Variants in MIPOL1 observed in about 807,000 individuals in gnomAD.
The protein encoded by MIPOL1 is mirror-image polydactyly gene 1 protein.
A neutral mutation model predicts 60.9 loss-of-function variants in MIPOL1; 57 were observed. The observed-to-expected ratio is 0.94, with a 90% confidence interval of 0.76 to 1.17. MIPOL1 has a LOEUF of 1.17. Among genes scored for constraint, MIPOL1 ranks in the 50% most tolerant of loss-of-function variants. The probability of loss-of-function intolerance (pLI) is 0.00; values close to 1 mark genes in which losing one functional copy is unlikely to be tolerated. For synonymous variants in MIPOL1, 179 were observed against 168.8 expected, an observed-to-expected ratio of 1.06 and a Z score of -0.47; for missense variants, 551 against 511.6, an observed-to-expected ratio of 1.08 and a Z score of -0.74.
At chr14:37,467,562 T>C (rs2153586426) in intron 11 of MIPOL1, among the ~76,000 whole-genome samples, 1 of 152,316 alleles carries the variant, frequency 6.6e-6, no homozygotes, top group South Asian at 2.1e-4. Context: ...AAGTAGAAGT[T>C]ACCTTCGGGA....
intron 3 of MIPOL1, among the ~76,000 whole-genome samples, chr14:37,264,647 A>G (rs1191835855): frequency 2.0e-5 from 3 of 151,820 alleles, no homozygotes; most frequent in Non-Finnish European, 4.4e-5. Context: ...TTGTGTAGAT[A>G]GTTATAGAAA....
chr14:37,410,622 T>C (rs1211882097), intron 10 of MIPOL1, among the ~76,000 whole-genome samples: 1 of 152,054 alleles, frequency 6.6e-6, no homozygotes, highest in African/African-American at 2.4e-5. Flanking sequence ...GTCAACAAAA[T>C]AGTAATATTT....
intron 10 of MIPOL1, among the ~76,000 whole-genome samples, chr14:37,419,125 A>T (rs1219368652): frequency 6.6e-6 from 1 of 152,196 alleles, no homozygotes; most frequent in Non-Finnish European, 1.5e-5. Context: ...GTGGATGTAC[A>T]GATTGTGATA....
At chr14:37,426,972 T>C (rs1331028100) in intron 11 of MIPOL1, among the ~76,000 whole-genome samples, 1 of 152,094 alleles carries the variant, frequency 6.6e-6, no homozygotes, top group African/African-American at 2.4e-5. Flanking sequence ...GATGGGAATG[T>C]AAATTGATGC....
intron 9 of MIPOL1, among the ~76,000 whole-genome samples, chr14:37,366,579 C>G (rs1267929395): frequency 6.6e-6 from 1 of 151,638 alleles, no homozygotes; most frequent in Non-Finnish European, 1.5e-5. Flanking sequence ...TATGATCTAC[C>G]CATGAGAATG....
Position 37,358,465 on chromosome 14 carries a change from C to T in MIPOL1, c.829-11052C>T, listed in dbSNP as rs147787914. Among the ~76,000 whole-genome samples, 525 of 152,248 alleles carry T rather than the reference C, an allele frequency of 3.4e-3. 2 individuals carry two copies. Among genetic ancestry groups the T allele is most frequent in the Non-Finnish European group, 5.5e-3 (375 of 68,022 alleles). ...TTTACACTCCCACCAAGTGTAAAAG[C>T]GTTCCTATTTCTCCACATCCTCTCC... is the stretch of plus-strand genomic sequence containing the variant. On this transcript the variant is annotated intron_variant, in intron 9 of 12. Coordinates refer to ENST00000684589, the MANE Select transcript of MIPOL1 (RefSeq NM_001388067.1).
chr14:37,265,889 G>A, intron 3 of MIPOL1, among the ~76,000 whole-genome samples: 1 of 152,050 alleles, frequency 6.6e-6, no homozygotes, highest in Middle Eastern at 3.2e-3. Context: ...TGAGCCTTTT[G>A]AAATAGAAAT....
intron 9 of MIPOL1, among the ~76,000 whole-genome samples, chr14:37,332,698 G>A (rs372867227): frequency 6.6e-6 from 1 of 151,982 alleles, no homozygotes; most frequent in East Asian, 1.9e-4. Context: ...GAAATGGCAG[G>A]CAATTTTAGT....
intron 6 of MIPOL1, chr14:37,278,520 T>C (rs1376342643): frequency 6.6e-6 from 1 of 151,766 alleles, no homozygotes; most frequent in Non-Finnish European, 1.5e-5. Context: ...AATTATTGTG[T>C]ATATTATATT....
chr14:37,305,793 C>T (rs1482795850), intron 7 of MIPOL1, among the ~76,000 whole-genome samples: 1 of 151,500 alleles, frequency 6.6e-6, no homozygotes, highest in Non-Finnish European at 1.5e-5. Flanking sequence ...TTTTCCTGGC[C>T]ATTTATCACT....
intron 4 of MIPOL1, among the ~76,000 whole-genome samples, chr14:37,268,041 A>G (rs954795088): frequency 2.0e-5 from 3 of 152,190 alleles, no homozygotes; most frequent in Non-Finnish European, 4.4e-5. Context: ...AACTTTGATA[A>G]TTAGTCATGT....
chr14:37,353,007 G>T (rs1351395379), intron 9 of MIPOL1, among the ~76,000 whole-genome samples: 1 of 135,156 alleles, frequency 7.4e-6, no homozygotes, highest in African/African-American at 2.8e-5. Context: ...AATGCTTCCA[G>T]TTTTTGCCCA....
intron 9 of MIPOL1, among the ~76,000 whole-genome samples, chr14:37,355,438 A>T (rs921726953): frequency 6.5e-4 from 97 of 149,982 alleles, no homozygotes; most frequent in African/African-American, 2.3e-3. Context: ...TATTTCCTGA[A>T]TCTGAACGTT....
chr14:37,469,767 T>TA (rs1266268089), intron 11 of MIPOL1, among the ~76,000 whole-genome samples: 24 of 151,938 alleles, frequency 1.6e-4, no homozygotes, highest in Admixed American at 4.6e-4. Context: ...AGTGCACTCC[T>TA]AAAAAAAAGG....
chr14:37,314,644 G>A (rs937512561), intron 9 of MIPOL1, among the ~76,000 whole-genome samples: 3 of 152,054 alleles, frequency 2.0e-5, no homozygotes, highest in African/African-American at 7.2e-5. Flanking sequence ...TGATAACTAT[G>A]TCATTTGTGC....
intron 12 of MIPOL1, among the ~76,000 whole-genome samples, chr14:37,543,528 C>G (rs1183096841): frequency 6.6e-6 from 1 of 152,272 alleles, no homozygotes; most frequent in South Asian, 2.1e-4. Flanking sequence ...CTGCCCGTCT[C>G]GGCCTCCCAA....
chr14:37,509,977 T>C (rs748593433), intron 12 of MIPOL1, among the ~76,000 whole-genome samples: 45 of 151,682 alleles, frequency 3.0e-4, no homozygotes, highest in Admixed American at 5.3e-4. Context: ...TATATATGCA[T>C]ACATACGTAG....
Position 37,476,078 on chromosome 14 carries a change from C to G in MIPOL1, c.1032-23830C>G, listed in dbSNP as rs184882101. Among the ~76,000 whole-genome samples the G allele has an allele frequency of 2.8e-3, 422 of 152,264 alleles. 4 individuals are homozygous for G. The highest frequency in any genetic ancestry group is 9.8e-3 in the African/African-American group (409 of 41,524). On this transcript the variant is annotated intron_variant, in intron 11 of 12. Transcript: ENST00000684589. ...GTTTATTTACACCTTTGATTTCTTT[C>G]ATCAGAGTTGTATAGGTTTCCTCAT...
chr14:37,236,771 G>C (rs117103663), intron 1 of MIPOL1, among the ~76,000 whole-genome samples: 3 of 152,072 alleles, frequency 2.0e-5, no homozygotes, highest in Non-Finnish European at 4.4e-5. Context: ...TCCTTGTTGT[G>C]TGTGATCAGT....
Sources: allele counts gnomAD v4.1 joint callset (sites outside exome capture counted in the v4.1 genomes callset), GRCh38; gene constraint gnomAD v4.1.1; transcripts MANE v1.5; gene names NCBI Gene and HGNC (gene_info 2026-07-23, HGNC 2026-07-21).